The following RANBP17 variants were observed in gnomAD, a reference collection of about 807,000 sequenced individuals.
RANBP17 encodes the protein RAN binding protein 17.
RANBP17 carries 158 observed loss-of-function variants against 141.2 expected under a neutral mutation model. That is an observed-to-expected ratio of 1.12 (90% CI 0.98 to 1.28). The LOEUF (loss-of-function observed/expected upper bound fraction) is 1.28, where lower values mean the gene tolerates loss of function less well. Ranked by LOEUF, RANBP17 falls within the 50% of genes most tolerant of loss-of-function variation. RANBP17 has a pLI of 0.00. For synonymous variants in RANBP17, 430 were observed against 450.0 expected (o/e 0.96, Z 0.56); for missense variants, 1,438 against 1,290.7 (o/e 1.11, Z -1.75).
chr5:170,903,715 G>A (rs1770849605), intron 5 of RANBP17: 2 of 309,326 alleles, frequency 6.5e-6, no homozygotes, highest in Non-Finnish European at 1.3e-5. Flanking sequence ...GACATCATTA[G>A]CAAAGTCGAC....
intron 24 of RANBP17, among the ~76,000 whole-genome samples, chr5:171,261,141 T>A (rs1766305474): frequency 7.7e-6 from 1 of 129,916 alleles, no homozygotes; most frequent in African/African-American, 2.9e-5. Flanking sequence ...AGAAGAATGC[T>A]TTGGTGTTTA....
At chr5:170,862,826 A>G (rs368036935) in intron 1 of RANBP17, among the ~76,000 whole-genome samples, 5 of 152,198 alleles carry the variant, frequency 3.3e-5, no homozygotes, top group African/African-American at 1.2e-4. Flanking sequence ...GGGATAAAGG[A>G]TGACATCTTA....
chr5:170,962,857 A>G (rs1776249839), intron 13 of RANBP17, among the ~76,000 whole-genome samples: 1 of 152,170 alleles, frequency 6.6e-6, no homozygotes, highest in African/African-American at 2.4e-5. Context: ...CACTATAAAA[A>G]CGCTTGTCAA....
chr5:171,298,723 C>A, intron 27 of RANBP17, 39 bp from the exon 28 acceptor site: 1 of 1,523,972 alleles, frequency 6.6e-7, no homozygotes, highest in Non-Finnish European at 9.1e-7. Context: ...GAGGCTTTGC[C>A]TCATTACTAC....
At position 170,862,513 on chromosome 5, in the gene RANBP17, A is replaced by G. The variant is rs568152417; in HGVS notation, c.18+462A>G. The stretch of plus-strand genomic sequence containing the variant: ...TCGTCAGCCTCCCTCCACACAGTTG[A>G]GCCCCAGCCGGAGCGGGGGCTTGGG... On this transcript the variant is annotated intron_variant, in intron 1 of 27. Transcript: ENST00000523189. Among the ~76,000 whole-genome samples, 3 of 152,208 alleles carry G rather than the reference A, an allele frequency of 2.0e-5. No individual in the cohort carries two copies. The East Asian group carries it at 5.8e-4, about 30-fold the overall frequency.
At chr5:171,161,446 A>T (rs1473820115) in intron 14 of RANBP17, 1 of 200,094 alleles carries the variant, frequency 5.0e-6, no homozygotes, top group Admixed American at 6.0e-5. Flanking sequence ...AGTTCCAGAG[A>T]AGGCTTGGAA....
At chr5:171,097,605 CTTTTTA>C (rs1786782743) in intron 14 of RANBP17, among the ~76,000 whole-genome samples, 1 of 138,854 alleles carries the variant, frequency 7.2e-6, no homozygotes. Flanking sequence ...TGTATGTAGT[CTTTTTA>C]TTATTATTAT....
intron 14 of RANBP17, among the ~76,000 whole-genome samples, chr5:171,097,902 C>T (rs933181255): frequency 2.0e-5 from 3 of 151,670 alleles, no homozygotes; most frequent in African/African-American, 7.3e-5. Flanking sequence ...TTTTCTGTTT[C>T]TGTGTTAGTT....
At chr5:171,002,008 C>T (rs555961600) in intron 14 of RANBP17, among the ~76,000 whole-genome samples, 8 of 151,914 alleles carry the variant, frequency 5.3e-5, no homozygotes, top group South Asian at 2.1e-4. Context: ...CCGAGTTTGA[C>T]GTGTAGGGAA....
At chr5:170,995,820 A>C (rs569552458) in intron 14 of RANBP17, among the ~76,000 whole-genome samples, 5 of 152,276 alleles carry the variant, frequency 3.3e-5, no homozygotes, top group African/African-American at 1.2e-4. Flanking sequence ...AATTATAAAC[A>C]TATAAATGTT....
intron 14 of RANBP17, among the ~76,000 whole-genome samples, chr5:171,053,122 G>A (rs765852462): frequency 6.6e-6 from 1 of 152,042 alleles, no homozygotes. Flanking sequence ...GCCCGGCCAT[G>A]TCTTTCTATT....
chr5:171,203,015 A>G (rs1039741242), intron 19 of RANBP17, among the ~76,000 whole-genome samples: 5 of 152,046 alleles, frequency 3.3e-5, no homozygotes, highest in African/African-American at 9.7e-5. Context: ...CACACAGACA[A>G]CTGTTCACCA....
intron 12 of RANBP17, among the ~76,000 whole-genome samples, chr5:170,949,728 CAA>C (rs1026877756): frequency 2.0e-5 from 3 of 152,156 alleles, no homozygotes; most frequent in Middle Eastern, 3.4e-3. Flanking sequence ...TAAGTATACT[CAA>C]GAGAAATGAA....
intron 25 of RANBP17, among the ~76,000 whole-genome samples, chr5:171,280,782 C>T (rs1211327145): frequency 6.6e-6 from 1 of 152,190 alleles, no homozygotes; most frequent in Non-Finnish European, 1.5e-5. Context: ...TTCTCTGTCC[C>T]TTGGCACGCT....
At chr5:170,896,156 T>A (rs765552413) in intron 5 of RANBP17, 41 bp downstream of exon 5, 1 of 1,337,066 alleles carries the variant, frequency 7.5e-7, no homozygotes, top group Non-Finnish European at 1.1e-6. Context: ...TGAGTTTGCT[T>A]AAGTAATGCT....
chr5:170,906,247 T>G (rs1412650157), intron 5 of RANBP17, among the ~76,000 whole-genome samples: 1 of 152,044 alleles, frequency 6.6e-6, no homozygotes, highest in Non-Finnish European at 1.5e-5. Flanking sequence ...ATATCACATT[T>G]AGTTCTTATG....
intron 14 of RANBP17, among the ~76,000 whole-genome samples, chr5:170,997,258 T>C (rs1778879408): frequency 6.6e-6 from 1 of 152,208 alleles, no homozygotes; most frequent in African/African-American, 2.4e-5. Context: ...ACCTCTCTCC[T>C]TTCTAAATTA....
intron 12 of RANBP17, among the ~76,000 whole-genome samples, chr5:170,936,429 A>G (rs1773888178): frequency 6.6e-6 from 1 of 151,928 alleles, no homozygotes; most frequent in South Asian, 2.1e-4. Context: ...CCGCTGTTTT[A>G]TTTTTATTTT....
At chr5:171,009,178 A>G (rs962557115) in intron 14 of RANBP17, among the ~76,000 whole-genome samples, 2 of 152,212 alleles carry the variant, frequency 1.3e-5, no homozygotes, top group African/African-American at 2.4e-5. Flanking sequence ...ACTTGATTTC[A>G]GTGCCAATCT....
Sources: gnomAD v4.1 joint callset for allele counts (sites outside exome capture counted in the v4.1 genomes callset) on GRCh38, gnomAD v4.1.1 for gene constraint, MANE v1.5 for transcripts, NCBI Gene and HGNC (gene_info 2026-07-23, HGNC 2026-07-21) for gene names.